The following DNER variants were observed in gnomAD, a reference collection of about 807,000 sequenced individuals.
The protein encoded by DNER is delta and Notch-like epidermal growth factor-related receptor.
In DNER, 33 loss-of-function variants were observed where a neutral mutation model predicts 78.2. The ratio of observed to expected loss-of-function variants is 0.42; its 90% confidence interval spans 0.32 to 0.56. The LOEUF (loss-of-function observed/expected upper bound fraction) is 0.56. Among genes scored for constraint, DNER ranks in the 20% least tolerant of loss-of-function variants. The pLI is 0.11. For synonymous variants in DNER, 417 were observed against 384.8 expected, an observed-to-expected ratio of 1.08 and a Z score of -0.98; for missense variants, 918 against 975.3, an observed-to-expected ratio of 0.94 and a Z score of 0.78.
At chr2:229,597,017 A>G (rs981049153) in intron 1 of DNER, among the ~76,000 whole-genome samples, 2 of 151,444 alleles carry the variant, frequency 1.3e-5, no homozygotes, top group Non-Finnish European at 3.0e-5. Flanking sequence ...ATGCACACAC[A>G]CATGCACACG....
intron 10 of DNER, among the ~76,000 whole-genome samples, chr2:229,392,921 G>C (rs1693046835): frequency 6.6e-6 from 1 of 151,994 alleles, no homozygotes; most frequent in Non-Finnish European, 1.5e-5. Flanking sequence ...TATTAGACAT[G>C]CAACAAAGTA....
chr2:229,578,274 G>C (rs1309617711), intron 4 of DNER, among the ~76,000 whole-genome samples: 1 of 152,060 alleles, frequency 6.6e-6, no homozygotes, highest in African/African-American at 2.4e-5. Context: ...CTTCCACAGG[G>C]AGCCAGGTCC....
chr2:229,562,132 T>C lies in DNER; in HGVS notation c.848-15040A>G, dbSNP rs559157894. Among the ~76,000 whole-genome samples, 58 of 152,244 alleles carry C rather than the reference T, an allele frequency of 3.8e-4. 1 individual carries two copies. In the South Asian group the frequency reaches 0.011, roughly 30 times the overall value. On this transcript the variant is annotated intron_variant, in intron 4 of 12. Coordinates refer to ENST00000341772, the MANE Select transcript of DNER (RefSeq NM_139072.4). ...TTGAAGCCACTGTATTTGAGGTCTC[T>C]CTATTGCAACAGCTTATCCTGTTCC...
At chr2:229,577,954 T>G (rs889361028) in intron 4 of DNER, among the ~76,000 whole-genome samples, 1 of 152,204 alleles carries the variant, frequency 6.6e-6, no homozygotes, top group African/African-American at 2.4e-5. Context: ...CTTAACTTAC[T>G]CTATAAGATC....
At chr2:229,500,611 A>T (rs1466326022) in intron 6 of DNER, among the ~76,000 whole-genome samples, 2 of 152,230 alleles carry the variant, frequency 1.3e-5, no homozygotes, top group African/African-American at 4.8e-5. Flanking sequence ...ATTTACGAAT[A>T]GTCAAGATAT....
At chr2:229,582,203 A>T (rs1697410573) in intron 4 of DNER, among the ~76,000 whole-genome samples, 1 of 152,272 alleles carries the variant, frequency 6.6e-6, no homozygotes, top group African/African-American at 2.4e-5. Context: ...AATTGCTTTA[A>T]TAAGCTCCTT....
chr2:229,674,540 A>G (rs1699269764), intron 1 of DNER, among the ~76,000 whole-genome samples: 1 of 152,082 alleles, frequency 6.6e-6, no homozygotes, highest in Non-Finnish European at 1.5e-5. Context: ...TGGCCTCCCA[A>G]AGTGCTAGGG....
chr2:229,512,975 CCT>C, intron 5 of DNER, 39 bp from the exon 6 acceptor site: 3 of 1,597,264 alleles, frequency 1.9e-6, no homozygotes, highest in Non-Finnish European at 2.6e-6. Context: ...TTACCTGGCA[CCT>C]CTCAACAGTG....
At chr2:229,665,591 T>C (rs1029444622) in intron 1 of DNER, among the ~76,000 whole-genome samples, 3 of 152,160 alleles carry the variant, frequency 2.0e-5, no homozygotes, top group African/African-American at 7.2e-5. Flanking sequence ...CCTCAAATAG[T>C]TTTAAGGCAA....
At chr2:229,510,239 C>T (rs1257177271) in intron 6 of DNER, among the ~76,000 whole-genome samples, 2 of 152,192 alleles carry the variant, frequency 1.3e-5, no homozygotes, top group East Asian at 1.9e-4. Flanking sequence ...CCAAGGATTT[C>T]AATCGTTGTT....
At chr2:229,683,287 A>G (rs200253594) in intron 1 of DNER, among the ~76,000 whole-genome samples, 1 of 152,204 alleles carries the variant, frequency 6.6e-6, no homozygotes, top group African/African-American at 2.4e-5. Context: ...GTCGAAGATC[A>G]TGACACTGCA....
intron 4 of DNER, among the ~76,000 whole-genome samples, chr2:229,575,046 A>G (rs1452195191): frequency 6.6e-6 from 1 of 152,214 alleles, no homozygotes; most frequent in Non-Finnish European, 1.5e-5. Context: ...CATTATTATT[A>G]AGGGATAAAG....
At chr2:229,394,818 C>T (rs778096749) in intron 10 of DNER, among the ~76,000 whole-genome samples, 15 of 152,186 alleles carry the variant, frequency 9.9e-5, no homozygotes, top group Admixed American at 2.0e-4. Context: ...TTCTAAAGAG[C>T]TCTATTGTCA....
chr2:229,686,955 AC>A (rs1699493507), intron 1 of DNER, among the ~76,000 whole-genome samples: 1 of 152,334 alleles, frequency 6.6e-6, no homozygotes, highest in East Asian at 1.9e-4. Flanking sequence ...AAGGTACAAG[AC>A]TTGACTTTTC....
At chr2:229,374,444 GT>G (rs891693965) in intron 11 of DNER, among the ~76,000 whole-genome samples, 8 of 152,130 alleles carry the variant, frequency 5.3e-5, no homozygotes, top group African/African-American at 1.9e-4. Flanking sequence ...CACCCAAGTA[GT>G]TATGTCTAAT....
chr2:229,453,377 G>A (rs1199414398), intron 7 of DNER, among the ~76,000 whole-genome samples: 2 of 152,216 alleles, frequency 1.3e-5, no homozygotes, highest in African/African-American at 2.4e-5. Context: ...TTTGTGCAAA[G>A]TGAGTTGAGA....
At chr2:229,513,074 G>A in intron 5 of DNER, 138 bp from the exon 6 acceptor site, 1 of 971,976 alleles carries the variant, frequency 1.0e-6, no homozygotes, top group Non-Finnish European at 1.5e-6. Flanking sequence ...TCATAATCTA[G>A]TTGAAATCAT....
Position 229,396,084 on chromosome 2 carries a change from G to A in DNER, c.1724-7688C>T, listed in dbSNP as rs1041420050. Among the ~76,000 whole-genome samples the A allele has an allele frequency of 2.0e-5, 3 of 151,850 alleles. No homozygotes were observed. In the South Asian group the frequency reaches 6.2e-4, roughly 32 times the overall value. On this transcript the variant is annotated intron_variant, in intron 10 of 12. Transcript: ENST00000341772. ...TGTCTTTGGATTGACAGTCTAAAGG[G>A]GGAAAAGAAACTGAAAACTGGCAAA...
intron 1 of DNER, among the ~76,000 whole-genome samples, chr2:229,630,481 A>AT (rs201300049): frequency 0.022 from 1,653 of 75,212 alleles, 11 homozygotes; most frequent in African/African-American, 0.056. Flanking sequence ...CCATCTCAAA[A>AT]TAATAATAAT....
Sources: allele counts gnomAD v4.1 joint callset (sites outside exome capture counted in the v4.1 genomes callset), GRCh38; gene constraint gnomAD v4.1.1; transcripts MANE v1.5; gene names NCBI Gene and HGNC (gene_info 2026-07-23, HGNC 2026-07-21).